The following SLC25A13 variants were observed in gnomAD, a reference collection of about 807,000 sequenced individuals.
SLC25A13 encodes solute carrier family 25 member 13, also known as electrogenic aspartate/glutamate antiporter SLC25A13, mitochondrial.
Under a neutral mutation model 85.5 loss-of-function variants are expected in SLC25A13, and 70 were observed. The ratio of observed to expected loss-of-function variants is 0.82; its 90% confidence interval spans 0.68 to 1.00. SLC25A13 has a LOEUF of 1.00. Among genes scored for constraint, SLC25A13 ranks in the 50% least tolerant of loss-of-function variants. The probability of loss-of-function intolerance (pLI) is 0.00; values close to 1 mark genes in which losing one functional copy is unlikely to be tolerated. For missense variants in SLC25A13, 765 were observed against 819.8 expected, an observed-to-expected ratio of 0.93 and a Z score of 0.82; for synonymous variants, 259 against 288.7, an observed-to-expected ratio of 0.90 and a Z score of 1.04.
At chr7:96,211,444 T>A (rs1795693213) in intron 4 of SLC25A13, among the ~76,000 whole-genome samples, 1 of 152,212 alleles carries the variant, frequency 6.6e-6, no homozygotes, top group Non-Finnish European at 1.5e-5. Context: ...TAGAGTATAC[T>A]ATACTAGATG....
At chr7:96,170,627 A>G (rs1443651540) in intron 12 of SLC25A13, among the ~76,000 whole-genome samples, 1 of 152,172 alleles carries the variant, frequency 6.6e-6, no homozygotes, top group African/African-American at 2.4e-5. Flanking sequence ...CATAAATTAC[A>G]TTAATTAATT....
intron 6 of SLC25A13, 45 bp downstream of exon 6, chr7:96,192,992 T>C: frequency 6.3e-7 from 1 of 1,598,356 alleles, no homozygotes; most frequent in Non-Finnish European, 8.6e-7. Flanking sequence ...TATAATTCCT[T>C]ATTTACTGAG....
chr7:96,171,324 T>C, intron 12 of SLC25A13, 148 bp downstream of exon 12: 2 of 733,702 alleles, frequency 2.7e-6, no homozygotes, highest in Non-Finnish European at 4.8e-6. Flanking sequence ...TGGAGAATAA[T>C]GAAAAAATGT....
intron 1 of SLC25A13, among the ~76,000 whole-genome samples, chr7:96,297,287 C>T (rs748273723): frequency 1.3e-5 from 2 of 151,822 alleles, no homozygotes; most frequent in South Asian, 4.1e-4. Flanking sequence ...TGCCCTTTCA[C>T]AGGAGAATTT....
intron 5 of SLC25A13, among the ~76,000 whole-genome samples, chr7:96,204,753 T>C (rs1795395379): frequency 6.6e-6 from 1 of 152,104 alleles, no homozygotes; most frequent in African/African-American, 2.4e-5. Flanking sequence ...ACATTATGAG[T>C]GTCTCAAGAT....
chr7:96,194,442 C>CAAAAAAAAAAAAAAAAAAAAA (rs546248549), intron 5 of SLC25A13, among the ~76,000 whole-genome samples: 2 of 27,694 alleles, frequency 7.2e-5, no homozygotes, highest in African/African-American at 1.1e-4. Flanking sequence ...AACCTTGTCT[C>CAAAAAAAAAAAAAAAAAAAAA]AAAAAAAAAA....
rs1362740147 is a variant in SLC25A13 at position 96,281,907 on chromosome 7, T to C, written c.70-4569A>G. On this transcript the variant is annotated intron_variant, in intron 2 of 17. Coordinates refer to ENST00000265631, the MANE Select transcript of SLC25A13 (RefSeq NM_014251.3). ...ACATGTCAAAGGTTGCTCCTTAGGATTGATGGACAGAGGCAGACCATAATA... is the reference window on the plus strand; with the variant it reads ...ACATGTCAAAGGTTGCTCCTTAGGACTGATGGACAGAGGCAGACCATAATA... Among the ~76,000 whole-genome samples the C allele has an allele frequency of 2.0e-5, 3 of 152,266 alleles. No homozygotes were observed. The East Asian group carries it at 5.8e-4, about 29-fold the overall frequency.
At chr7:96,192,486 T>C (rs936323118) in intron 6 of SLC25A13, among the ~76,000 whole-genome samples, 3 of 152,060 alleles carry the variant, frequency 2.0e-5, no homozygotes, top group African/African-American at 7.2e-5. Context: ...CACCACAGAA[T>C]GTTGCAGGAC....
intron 11 of SLC25A13, among the ~76,000 whole-genome samples, chr7:96,176,694 T>C (rs554653333): frequency 6.6e-6 from 1 of 152,338 alleles, no homozygotes; most frequent in African/African-American, 2.4e-5. Flanking sequence ...AAGAGGTTCC[T>C]GGGCCCACTG....
intron 5 of SLC25A13, among the ~76,000 whole-genome samples, chr7:96,195,925 G>C (rs535974955): frequency 2.6e-5 from 4 of 152,292 alleles, no homozygotes; most frequent in Non-Finnish European, 5.9e-5. Context: ...ATCATAATCA[G>C]TTATTCACAT....
At chr7:96,171,388 C>T (rs2116581393) in intron 12 of SLC25A13, 84 bp downstream of exon 12, 1 of 1,266,100 alleles carries the variant, frequency 7.9e-7, no homozygotes, top group Non-Finnish European at 1.2e-6. Context: ...GAAAACAAAC[C>T]TGCTGTTTCC....
At chr7:96,148,697 T>TA (rs1426683306) in intron 13 of SLC25A13, among the ~76,000 whole-genome samples, 1 of 152,144 alleles carries the variant, frequency 6.6e-6, no homozygotes, top group Non-Finnish European at 1.5e-5. Flanking sequence ...CAAAAGAGGG[T>TA]AAGACCATCT....
chr7:96,247,669 T>G (rs1479992858), intron 3 of SLC25A13, among the ~76,000 whole-genome samples: 1 of 152,138 alleles, frequency 6.6e-6, no homozygotes, highest in Non-Finnish European at 1.5e-5. Flanking sequence ...AAATACAAAG[T>G]ATGGGATCCA....
At chr7:96,251,987 T>C (rs1797445877) in intron 3 of SLC25A13, among the ~76,000 whole-genome samples, 1 of 152,252 alleles carries the variant, frequency 6.6e-6, no homozygotes, top group Admixed American at 6.5e-5. Context: ...CACAGATGAA[T>C]ACAGCAGTTA....
At chr7:96,206,270 T>C (rs1795460761) in intron 5 of SLC25A13, among the ~76,000 whole-genome samples, 1 of 152,188 alleles carries the variant, frequency 6.6e-6, no homozygotes, top group South Asian at 2.1e-4. Context: ...TGGTGCCTAT[T>C]TCTGAGTCCT....
intron 4 of SLC25A13, among the ~76,000 whole-genome samples, chr7:96,219,108 G>A (rs1404929687): frequency 6.6e-6 from 1 of 152,128 alleles, no homozygotes; most frequent in African/African-American, 2.4e-5. Flanking sequence ...TCACAGCTAA[G>A]GGTCTGAAGA....
chr7:96,240,562 C>T (rs1231879279), intron 3 of SLC25A13, among the ~76,000 whole-genome samples: 1 of 151,932 alleles, frequency 6.6e-6, no homozygotes, highest in Non-Finnish European at 1.5e-5. Flanking sequence ...TCCATATTTG[C>T]TGGAGGAAAA....
chr7:96,171,128 T>C (rs573387593), intron 12 of SLC25A13, among the ~76,000 whole-genome samples: 47 of 152,334 alleles, frequency 3.1e-4, no homozygotes, highest in African/African-American at 1.1e-3. Flanking sequence ...CTCAGTTTCC[T>C]TATCCGTAAA....
At chr7:96,305,522 C>T (rs1799712110) in intron 1 of SLC25A13, among the ~76,000 whole-genome samples, 1 of 152,110 alleles carries the variant, frequency 6.6e-6, no homozygotes, top group Non-Finnish European at 1.5e-5. Flanking sequence ...AATTACCACG[C>T]CCAATATAAT....
Sources: gnomAD v4.1 joint callset for allele counts (sites outside exome capture counted in the v4.1 genomes callset) on GRCh38, gnomAD v4.1.1 for gene constraint, MANE v1.5 for transcripts, NCBI Gene and HGNC (gene_info 2026-07-23, HGNC 2026-07-21) for gene names.